ROR1: variants seen among roughly 807,000 people sequenced by gnomAD.
ROR1 encodes inactive tyrosine-protein kinase transmembrane receptor ROR1.
A neutral mutation model predicts 78.8 loss-of-function variants in ROR1; 19 were observed. The observed-to-expected ratio is 0.24, with a 90% CI of 0.17 to 0.35. The LOEUF (loss-of-function observed/expected upper bound fraction) is 0.35, where lower values mean the gene tolerates loss of function less well. Among genes scored for constraint, ROR1 ranks in the 10% least tolerant of loss-of-function variants. The pLI, the probability that ROR1 is intolerant of heterozygous loss-of-function variation, is 1.00. For synonymous variants in ROR1, 386 were observed against 433.6 expected (o/e 0.89, Z 1.36); for missense variants, 917 against 1,177.8 (o/e 0.78, Z 3.24).
At chr1:64,100,424 G>T (rs1414730092) in intron 4 of ROR1, among the ~76,000 whole-genome samples, 2 of 152,172 alleles carry the variant, frequency 1.3e-5, no homozygotes, top group East Asian at 3.9e-4. Context: ...GGAGGTTGAG[G>T]CTGCAGTGAG....
At chr1:63,856,566 C>G (rs552214138) in intron 1 of ROR1, among the ~76,000 whole-genome samples, 55 of 152,242 alleles carry the variant, frequency 3.6e-4, no homozygotes, top group Middle Eastern at 3.4e-3. Flanking sequence ...GCCTTGGTCT[C>G]CCTGGACTGT....
At chr1:64,108,991 C>G (rs959352224) in intron 4 of ROR1, among the ~76,000 whole-genome samples, 6 of 152,226 alleles carry the variant, frequency 3.9e-5, no homozygotes, top group Admixed American at 6.5e-5. Context: ...TGGACACACC[C>G]CAGAGCTACT....
intron 1 of ROR1, among the ~76,000 whole-genome samples, chr1:63,811,725 A>G (rs1644860837): frequency 6.6e-6 from 1 of 152,170 alleles, no homozygotes; most frequent in Non-Finnish European, 1.5e-5. Flanking sequence ...AGGTAAAAAC[A>G]TTCAGAGACT....
At chr1:64,071,494 A>C (rs2100618086) in intron 4 of ROR1, among the ~76,000 whole-genome samples, 1 of 152,246 alleles carries the variant, frequency 6.6e-6, no homozygotes, top group East Asian at 1.9e-4. Flanking sequence ...TGGAATCTGC[A>C]TCCAAAATGC....
At chr1:64,074,890 A>G (rs1173794487) in intron 4 of ROR1, among the ~76,000 whole-genome samples, 1 of 152,204 alleles carries the variant, frequency 6.6e-6, no homozygotes, top group Non-Finnish European at 1.5e-5. Context: ...CCTGACATTC[A>G]GTGTTTGTGA....
intron 1 of ROR1, among the ~76,000 whole-genome samples, chr1:63,798,436 G>A (rs1644775856): frequency 6.6e-6 from 1 of 152,112 alleles, no homozygotes; most frequent in African/African-American, 2.4e-5. Context: ...TTTTGGGGGA[G>A]GAGGAGGAGG....
intron 1 of ROR1, among the ~76,000 whole-genome samples, chr1:63,995,528 A>G (rs1203731417): frequency 6.6e-6 from 1 of 152,194 alleles, no homozygotes; most frequent in Non-Finnish European, 1.5e-5. Flanking sequence ...TCTCAAACTT[A>G]TTTCTGAATG....
At chr1:64,030,763 T>C (rs1646653545) in intron 2 of ROR1, among the ~76,000 whole-genome samples, 1 of 152,134 alleles carries the variant, frequency 6.6e-6, no homozygotes, top group African/African-American at 2.4e-5. Flanking sequence ...AAACCTAACT[T>C]CTCCCATCCC....
At chr1:64,053,864 C>G (rs895045115) in intron 4 of ROR1, among the ~76,000 whole-genome samples, 2 of 152,138 alleles carry the variant, frequency 1.3e-5, no homozygotes, top group South Asian at 2.1e-4. Flanking sequence ...AAATGACTAC[C>G]TAAGTTGTTT....
chr1:64,095,854 G>A (rs917996256), intron 4 of ROR1, among the ~76,000 whole-genome samples: 1 of 152,170 alleles, frequency 6.6e-6, no homozygotes, highest in Non-Finnish European at 1.5e-5. Flanking sequence ...TACAGAAAGA[G>A]AGACCGTGGC....
intron 1 of ROR1, among the ~76,000 whole-genome samples, chr1:63,946,310 C>T (rs979744149): frequency 5.3e-5 from 8 of 152,190 alleles, no homozygotes; most frequent in African/African-American, 1.9e-4. Context: ...AGGAAGAGAA[C>T]ATCTTCCAGA....
intron 1 of ROR1, among the ~76,000 whole-genome samples, chr1:63,972,049 G>A (rs1557589528): frequency 3.3e-5 from 5 of 152,054 alleles, no homozygotes; most frequent in Admixed American, 3.3e-4. Context: ...TCCTAAAGAG[G>A]CCCAGATTAA....
In ROR1 at chr1:63,986,360, C is replaced by T. The variant is rs185464794; in HGVS notation, c.92-22945C>T. On this transcript the variant is annotated intron_variant, in intron 1 of 8. Transcript: ENST00000371079. ...AGTAGCATATAAAGCAGATATAATT[C>T]CTGTTCTCATTTTGACATAAAGGAT... Among the ~76,000 whole-genome samples, 516 of 152,224 alleles carry T rather than the reference C, an allele frequency of 3.4e-3. 5 individuals carry two copies. Among genetic ancestry groups the T allele is most frequent in the African/African-American group, 0.012 (496 of 41,540 alleles).
intron 7 of ROR1, among the ~76,000 whole-genome samples, chr1:64,151,090 G>A (rs887465880): frequency 3.9e-5 from 6 of 152,218 alleles, no homozygotes; most frequent in Admixed American, 2.0e-4. Flanking sequence ...GGCACAAGCC[G>A]ATAGACTAAG....
At chr1:64,091,789 T>C (rs1288174383) in intron 4 of ROR1, among the ~76,000 whole-genome samples, 1 of 152,130 alleles carries the variant, frequency 6.6e-6, no homozygotes, top group Non-Finnish European at 1.5e-5. Flanking sequence ...CAACATAAGA[T>C]TTAGCATGAA....
At chr1:63,951,639 C>T (rs1645936530) in intron 1 of ROR1, among the ~76,000 whole-genome samples, 1 of 152,146 alleles carries the variant, frequency 6.6e-6, no homozygotes, top group Non-Finnish European at 1.5e-5. Flanking sequence ...CTGGGCTCCA[C>T]CCTTTATGCC....
intron 1 of ROR1, among the ~76,000 whole-genome samples, chr1:63,889,179 C>G (rs1645377329): frequency 6.6e-6 from 1 of 152,052 alleles, no homozygotes; most frequent in African/African-American, 2.4e-5. Context: ...AGAGAGAGAG[C>G]CCAAGATGGA....
chr1:63,978,948 G>A (rs2100506481), intron 1 of ROR1, among the ~76,000 whole-genome samples: 1 of 152,304 alleles, frequency 6.6e-6, no homozygotes, highest in Admixed American at 6.5e-5. Context: ...CCGAAGACCT[G>A]GGAAAGAGTG....
chr1:64,010,645 G>C (rs1364938983), intron 2 of ROR1, among the ~76,000 whole-genome samples: 1 of 152,126 alleles, frequency 6.6e-6, no homozygotes, highest in Non-Finnish European at 1.5e-5. Flanking sequence ...GACATAGTTT[G>C]GTTGTGTCCC....
Sources: gnomAD v4.1 joint callset for allele counts (sites outside exome capture counted in the v4.1 genomes callset) on GRCh38, gnomAD v4.1.1 for gene constraint, MANE v1.5 for transcripts, NCBI Gene and HGNC (gene_info 2026-07-23, HGNC 2026-07-21) for gene names.